Variants in PTPRN2 observed in about 807,000 individuals in gnomAD.
PTPRN2 encodes the protein receptor-type tyrosine-protein phosphatase N2.
A neutral mutation model predicts 118.8 loss-of-function variants in PTPRN2; 74 were observed. That is an observed-to-expected ratio of 0.62 (90% CI 0.52 to 0.76). PTPRN2 has a LOEUF of 0.76. Among genes scored for constraint, PTPRN2 ranks in the 30% least tolerant of loss-of-function variants. The pLI is 0.00. For synonymous variants in PTPRN2, 641 were observed against 608.0 expected, an observed-to-expected ratio of 1.05 and a Z score of -0.80; for missense variants, 1,481 against 1,394.4, an observed-to-expected ratio of 1.06 and a Z score of -0.99.
intron 2 of PTPRN2, among the ~76,000 whole-genome samples, chr7:158,468,538 C>A (rs2129443956): frequency 6.6e-6 from 1 of 151,144 alleles, no homozygotes; most frequent in East Asian, 2.0e-4. Flanking sequence ...TATGTCTGGG[C>A]ATCACTATTT....
Position 157,982,250 on chromosome 7 carries a change from C to CT in PTPRN2, c.1724-83514_1724-83513insA, listed in dbSNP as rs1184590808. Among the ~76,000 whole-genome samples, 223 of 124,622 alleles carry CT rather than the reference C, an allele frequency of 1.8e-3. 2 individuals are homozygous for CT. Among genetic ancestry groups the CT allele is most frequent in the African/African-American group, 3.7e-3 (116 of 31,268 alleles). The allele number at this position is 124,622 out of a possible 152,430, so 81.8% of individuals were successfully genotyped here. On this transcript the variant is annotated intron_variant, in intron 11 of 22. Transcript: ENST00000389418. ...GGGAATGCAGAGTGCGGGGTCCCCCCAAACCCCGAGTCATAGAGCCAAGGA... is the reference window on the plus strand; with the variant it reads ...GGGAATGCAGAGTGCGGGGTCCCCCCTAAACCCCGAGTCATAGAGCCAAGGA...
intron 10 of PTPRN2, among the ~76,000 whole-genome samples, chr7:158,081,800 T>TA (rs1812863862): frequency 1.3e-5 from 2 of 152,284 alleles, no homozygotes; most frequent in Admixed American, 1.3e-4. Flanking sequence ...AGGAACCATT[T>TA]AAAAAACTAC....
chr7:157,804,167 C>T (rs115276191), intron 12 of PTPRN2, among the ~76,000 whole-genome samples: 1,841 of 152,292 alleles, frequency 0.012, 50 homozygotes, highest in South Asian at 0.12. Flanking sequence ...AATTCCTCAC[C>T]GGGTGTGGAG....
chr7:158,533,578 A>G (rs756344491), intron 1 of PTPRN2, among the ~76,000 whole-genome samples: 3 of 152,162 alleles, frequency 2.0e-5, no homozygotes, highest in Non-Finnish European at 4.4e-5. Context: ...AGGAGTCCCT[A>G]TCCCAGGGGC....
Position 157,808,878 on chromosome 7 carries a change from G to C in PTPRN2, c.1788+89795C>G, listed in dbSNP as rs1157716394. Among the ~76,000 whole-genome samples, 1 of 152,140 alleles carries C rather than the reference G, an allele frequency of 6.6e-6. No individual in the cohort carries two copies. Among genetic ancestry groups the C allele is most frequent in the Non-Finnish European group, 1.5e-5 (1 of 68,034 alleles). ...ATAAGATTCAGTTGTTGCCTTGGAC[G>C]ATTCACATTTCACATGGTCAGTCCC... On this transcript the variant is annotated intron_variant, in intron 12 of 22. Coordinates refer to ENST00000389418, the MANE Select transcript of PTPRN2 (RefSeq NM_002847.5). The surrounding 1 kb of genome is among the most constrained non-coding windows in gnomAD (Gnocchi z 5.0).
chr7:157,979,508 C>T (rs753964685), intron 11 of PTPRN2, among the ~76,000 whole-genome samples: 13 of 152,208 alleles, frequency 8.5e-5, no homozygotes, highest in Non-Finnish European at 1.3e-4. Context: ...TAAGTTCTCA[C>T]ATCACATTTA....
At chr7:158,142,118 G>T (rs1290517795) in intron 6 of PTPRN2, among the ~76,000 whole-genome samples, 1 of 152,204 alleles carries the variant, frequency 6.6e-6, no homozygotes, top group Non-Finnish European at 1.5e-5. Context: ...CCTGGGGGCT[G>T]CCCCTCCCAC....
At chr7:158,149,423 T>G (rs947588424) in intron 6 of PTPRN2, among the ~76,000 whole-genome samples, 1 of 150,324 alleles carries the variant, frequency 6.7e-6, no homozygotes, top group Non-Finnish European at 1.5e-5. Context: ...GTATAAGATG[T>G]TACCTTTTCT....
In PTPRN2 at chr7:157,600,163, C is replaced by G. The variant is rs556487904; in HGVS notation, c.2418+3839G>C. ...TGCCCACATCTCCACCTGCCTACCT[C>G]TCCACCTGCCCACCTCTCCACCTGC... On this transcript the variant is annotated intron_variant, in intron 16 of 22. Coordinates refer to ENST00000389418, the MANE Select transcript of PTPRN2 (RefSeq NM_002847.5). 5.5e-5 allele frequency among the ~76,000 whole-genome samples: 6 copies of G among 108,250 alleles called. No individual in the cohort carries two copies. The South Asian group carries it at 2.8e-3, about 51-fold the overall frequency. The allele number at this position is 108,250 out of a possible 152,430, so 71.0% of individuals were successfully genotyped here. A position where few individuals can be genotyped will look rare whatever the true frequency, so the allele number is the denominator to read the frequency against.
chr7:158,528,497 G>A (rs546419272), intron 1 of PTPRN2, among the ~76,000 whole-genome samples: 38 of 152,044 alleles, frequency 2.5e-4, no homozygotes, highest in Non-Finnish European at 5.1e-4. Context: ...TTAGAACCAC[G>A]CATGCTGGGC....
In PTPRN2 at chr7:157,910,723, TGC is replaced by T. The variant is rs1491070379; in HGVS notation, c.1724-11988_1724-11987del. ...CAGGGCACGTGTGTGTGTGTGTGTG[TGC>T]GAGCGCGCGTGCGCCCCTGCGATCA... On this transcript the variant is annotated intron_variant, in intron 11 of 22. Coordinates refer to ENST00000389418, the MANE Select transcript of PTPRN2 (RefSeq NM_002847.5). 9.3e-5 allele frequency among the ~76,000 whole-genome samples: 14 copies of T among 150,566 alleles called. 1 individual carries two copies. Among genetic ancestry groups the T allele is most frequent in the African/African-American group, 3.5e-4 (14 of 40,052 alleles).
intron 11 of PTPRN2, among the ~76,000 whole-genome samples, chr7:158,031,730 A>G (rs761325926): frequency 1.6e-4 from 25 of 152,332 alleles, no homozygotes; most frequent in Non-Finnish European, 2.9e-4. Context: ...TTTATATTTT[A>G]AAAAAAGAAG....
intron 1 of PTPRN2, 41 bp from the exon 2 acceptor site, chr7:158,489,826 A>G: frequency 1.3e-6 from 2 of 1,541,740 alleles, no homozygotes; most frequent in Non-Finnish European, 1.8e-6. Context: ...GCTGGAGGGG[A>G]GGAGGGGGGT....
rs764464048 is a variant in PTPRN2 at position 157,568,909 on chromosome 7, C to G, written c.2895G>C (p.Met965Ile). Residue 965 changes from methionine to isoleucine, a missense_variant, in exon 21 of 23, where the codon ATG becomes ATC. Around this residue, in one of 3 missense-constraint regions of PTPRN2, gnomAD observed 362 missense variants for 384.1 expected, o/e 0.94. Coordinates refer to ENST00000389418, the MANE Select transcript of PTPRN2 (RefSeq NM_002847.5). ...YVLIDMVLNK[M>I]AKGAKEIDIA... ...GCAGTGTCTGTGTCTCACCTTTGGCCATCTTGTTGAGAACCATGTCGATCA... is the reference window on the plus strand; with the variant it reads ...GCAGTGTCTGTGTCTCACCTTTGGCGATCTTGTTGAGAACCATGTCGATCA... The G allele has an allele frequency of 1.9e-6, 3 of 1,564,476 alleles. No homozygotes were observed.
At chr7:158,344,935 G>A (rs1807386768) in intron 2 of PTPRN2, among the ~76,000 whole-genome samples, 1 of 152,214 alleles carries the variant, frequency 6.6e-6, no homozygotes, top group African/African-American at 2.4e-5. Context: ...GAAGCTGATG[G>A]ACGATACCCA....
In PTPRN2 at chr7:157,583,622, AC is replaced by A. The variant is rs1255355272; in HGVS notation, c.2497-5483del. Among the ~76,000 whole-genome samples the A allele has an allele frequency of 2.7e-4, 41 of 152,296 alleles. No individual in the cohort carries two copies. Among genetic ancestry groups the A allele is most frequent in the African/African-American group, 9.6e-4 (40 of 41,570 alleles). On this transcript the variant is annotated intron_variant, in intron 17 of 22. Coordinates refer to ENST00000389418, the MANE Select transcript of PTPRN2 (RefSeq NM_002847.5). This position sits in a 1 kb window ranked among gnomAD's most constrained non-coding sequence, Gnocchi z 5.5. The stretch of plus-strand genomic sequence containing the variant: ...AACTCGACCGGGCACAGGGGCTCGC[AC>A]CTCTAATCCCAGCACTTTGGGAGGC...
At position 158,337,755 on chromosome 7, in the gene PTPRN2, A is replaced by T. The variant is rs1357342075; in HGVS notation, c.164-20823T>A. On this transcript the variant is annotated intron_variant, in intron 2 of 22. Coordinates refer to ENST00000389418, the MANE Select transcript of PTPRN2 (RefSeq NM_002847.5). ...CTCACAACCACACTCTCACCATAAG[A>T]GGTGACACCTGCAAACGTCACTCAC... is the stretch of plus-strand genomic sequence containing the variant. Among the ~76,000 whole-genome samples the T allele has an allele frequency of 6.3e-3, 796 of 125,606 alleles. 1 individual carries two copies. Among genetic ancestry groups the T allele is most frequent in the Non-Finnish European group, 9.5e-3 (564 of 59,064 alleles). 82.4% of individuals were successfully genotyped at this position (125,606 alleles called of 152,430 possible).
At chr7:158,322,976 G>A (rs1270469846) in intron 2 of PTPRN2, among the ~76,000 whole-genome samples, 1 of 152,220 alleles carries the variant, frequency 6.6e-6, no homozygotes, top group Non-Finnish European at 1.5e-5. Flanking sequence ...CATCTGCAAG[G>A]TGAACCTTAG....
chr7:157,874,205 T>A lies in PTPRN2; in HGVS notation c.1788+24468A>T, dbSNP rs1795570564. Among the ~76,000 whole-genome samples, 1 of 152,134 alleles carries A rather than the reference T, an allele frequency of 6.6e-6. No individual in the cohort carries two copies. The highest frequency in any genetic ancestry group is 2.1e-4 in the South Asian group (1 of 4,826). On this transcript the variant is annotated intron_variant, in intron 12 of 22. Transcript: ENST00000389418. This position sits in a 1 kb window ranked among gnomAD's most constrained non-coding sequence, Gnocchi z 5.8. ...TCAGTCTGCCTCTGGCCTCCCTCTG[T>A]TTCCCCCTCCACAACTGGGCAGGCT...
Sources: allele counts gnomAD v4.1 joint callset (sites outside exome capture counted in the v4.1 genomes callset), GRCh38; gene constraint gnomAD v4.1.1; regional missense constraint gnomAD v4.1.1; non-coding constraint Gnocchi (gnomAD v3.1); transcripts MANE v1.5; gene names NCBI Gene and HGNC (gene_info 2026-07-23, HGNC 2026-07-21).